Variants in OTOGL observed in about 807,000 individuals in gnomAD.
OTOGL encodes otogelin-like protein.
In OTOGL, 285 loss-of-function variants were observed where a neutral mutation model predicts 318.5. The ratio of observed to expected loss-of-function variants is 0.89; its 90% CI spans 0.81 to 0.99. The LOEUF is 0.99. Ranked by LOEUF, OTOGL falls within the 50% of genes least tolerant of loss-of-function variation. The pLI is 0.00. For synonymous variants in OTOGL, 987 were observed against 936.5 expected, an observed-to-expected ratio of 1.05 and a Z score of -0.99; for missense variants, 2,899 against 2,845.6, an observed-to-expected ratio of 1.02 and a Z score of -0.43.
chr12:80,314,493 A>C (rs1249052805), intron 32 of OTOGL, among the ~76,000 whole-genome samples, 162 bp downstream of exon 32: 1 of 152,094 alleles, frequency 6.6e-6, no homozygotes, highest in Non-Finnish European at 1.5e-5. Flanking sequence ...AAAATTTCTC[A>C]GTATTTGTGT....
intron 1 of OTOGL, among the ~76,000 whole-genome samples, chr12:80,183,108 G>A (rs1875043010): frequency 6.6e-6 from 1 of 152,010 alleles, no homozygotes; most frequent in Non-Finnish European, 1.5e-5. Flanking sequence ...AATACAATTG[G>A]TGCCTTCATC....
chr12:80,359,254 T>C (rs1489949698), intron 52 of OTOGL, among the ~76,000 whole-genome samples: 2 of 152,152 alleles, frequency 1.3e-5, no homozygotes, highest in African/African-American at 4.8e-5. Context: ...GCCTCTGTTG[T>C]AGAGGAGAAG....
In OTOGL at chr12:80,270,021, G is replaced by A. The variant is rs1383972461; in HGVS notation, c.2466-81G>A. On this transcript the variant is annotated intron_variant, in intron 22 of 58. Transcript: ENST00000547103. ...TAATGTACTCAATCAATTCTTGTAC[G>A]TTAGATTGTTGTCGAAATTCAGGGA... The A allele has an allele frequency of 3.7e-5, 41 of 1,120,888 alleles. 1 individual carries two copies. Among genetic ancestry groups the A allele is most frequent in the Admixed American group, 9.5e-5 (4 of 42,126 alleles). The allele number at this position is 1,120,888 out of a possible 1,614,324, so 69.4% of individuals were successfully genotyped here. A position where few individuals can be genotyped will look rare whatever the true frequency, so the allele number is the denominator to read the frequency against.
At chr12:80,143,649 A>C (rs962498988) in intron 1 of OTOGL, among the ~76,000 whole-genome samples, 2 of 152,060 alleles carry the variant, frequency 1.3e-5, no homozygotes, top group Non-Finnish European at 2.9e-5. Flanking sequence ...CTCAAGTCAG[A>C]GGTTCATTTC....
chr12:80,199,176 G>C (rs534974336), intron 1 of OTOGL, among the ~76,000 whole-genome samples: 62 of 152,250 alleles, frequency 4.1e-4, no homozygotes, highest in Middle Eastern at 3.4e-3. Flanking sequence ...TCCCAGCCTT[G>C]TGCAATTCTC....
chr12:80,225,164 G>T (rs1173317869), intron 7 of OTOGL, among the ~76,000 whole-genome samples: 5 of 152,046 alleles, frequency 3.3e-5, no homozygotes, highest in African/African-American at 1.2e-4. Context: ...GGTCTCTTTA[G>T]ATAGGGCAGT....
chr12:80,273,996 A>T (rs1166147557), intron 24 of OTOGL, among the ~76,000 whole-genome samples: 1 of 152,034 alleles, frequency 6.6e-6, no homozygotes, highest in Admixed American at 6.6e-5. Flanking sequence ...CGATTTCTCC[A>T]TGTATAGGCC....
At chr12:80,173,769 C>A (rs920951459) in intron 1 of OTOGL, among the ~76,000 whole-genome samples, 1 of 152,118 alleles carries the variant, frequency 6.6e-6, no homozygotes, top group Non-Finnish European at 1.5e-5. Context: ...TACCCTTAAT[C>A]CTAAGGGTTG....
chr12:80,234,548 TA>T (rs1879669801), intron 9 of OTOGL, among the ~76,000 whole-genome samples: 1 of 152,180 alleles, frequency 6.6e-6, no homozygotes. Context: ...AATAAGAGCA[TA>T]TACTTCATAA....
At position 80,313,560 on chromosome 12, in the gene OTOGL, A is replaced by T; in HGVS notation, c.3535A>T (p.Ser1179Cys). ...LGGDCECLCTSIAAYAYKCCQ... is the reference protein window; with the variant it reads ...LGGDCECLCTCIAAYAYKCCQ... ...TGGCGACTGTGAGTGTTTGTGCACT[A>T]GTATAGCTGCATATGCATACAAGTG... The change falls in exon 31 of 59, where the codon AGT (serine) becomes TGT (cysteine). Residue 1179 changes from serine to cysteine, a missense_variant. By Grantham distance (112) the Ser-to-Cys change is moderately radical (BLOSUM62 -1). Transcript: ENST00000547103. 6.2e-7 allele frequency: 1 copy of T among 1,612,048 alleles called. No homozygotes were observed. Among genetic ancestry groups the T allele is most frequent in the Non-Finnish European group, 8.5e-7 (1 of 1,178,244 alleles).
At chr12:80,217,844 TA>T (rs1877892913) in intron 5 of OTOGL, among the ~76,000 whole-genome samples, 180 bp downstream of exon 5, 1 of 152,234 alleles carries the variant, frequency 6.6e-6, no homozygotes, top group Non-Finnish European at 1.5e-5. Flanking sequence ...TTTCTGAGAA[TA>T]ACCAGGGCCA....
intron 1 of OTOGL, among the ~76,000 whole-genome samples, chr12:80,105,058 T>C (rs1421905321): frequency 6.6e-6 from 1 of 151,960 alleles, no homozygotes; most frequent in East Asian, 1.9e-4. Context: ...ATTGCACCAT[T>C]GCACTCTGCA....
At chr12:80,161,228 G>C (rs1338328152) in intron 1 of OTOGL, among the ~76,000 whole-genome samples, 1 of 150,316 alleles carries the variant, frequency 6.7e-6, no homozygotes, top group African/African-American at 2.4e-5. Flanking sequence ...CAAAACCTGT[G>C]GAAATAAAAA....
At chr12:80,178,908 T>C (rs1874723259) in intron 1 of OTOGL, among the ~76,000 whole-genome samples, 1 of 152,234 alleles carries the variant, frequency 6.6e-6, no homozygotes, top group Non-Finnish European at 1.5e-5. Flanking sequence ...ATTTTAATTA[T>C]TGCTTTTGAG....
chr12:80,187,962 A>G (rs1045655279), intron 1 of OTOGL, among the ~76,000 whole-genome samples: 2 of 152,220 alleles, frequency 1.3e-5, no homozygotes, highest in African/African-American at 4.8e-5. Flanking sequence ...AACAGCCACA[A>G]TGAATTGGAT....
At chr12:80,270,277 T>G (rs1189393920) in intron 23 of OTOGL, 123 bp downstream of exon 23, 2 of 752,328 alleles carry the variant, frequency 2.7e-6, no homozygotes, top group Non-Finnish European at 4.4e-6. Context: ...GGGAATGTTC[T>G]TCAACATGGT....
intron 8 of OTOGL, among the ~76,000 whole-genome samples, chr12:80,229,650 T>C (rs1000639435): frequency 4.0e-5 from 6 of 150,110 alleles, no homozygotes; most frequent in East Asian, 2.0e-4. Context: ...CTCTCTCTCT[T>C]TTTTTTTTTC....
chr12:80,106,199 A>G (rs778031046), intron 1 of OTOGL, among the ~76,000 whole-genome samples: 10 of 152,214 alleles, frequency 6.6e-5, no homozygotes, highest in Non-Finnish European at 1.3e-4. Context: ...GCATGAAATG[A>G]TGAAGGAAGA....
Position 80,238,992 on chromosome 12 carries a change from G to A in OTOGL, c.945+14G>A, listed in dbSNP as rs1200730676. 7.5e-6 allele frequency: 12 copies of A among 1,592,474 alleles called. No individual in the cohort carries two copies. The African/African-American group carries it at 1.5e-4, about 20-fold the overall frequency. ...CCAGCATTTGAGGTAAATTTGATGT[G>A]AGAAATGTGGGCATGTCAGACAGAA... On this transcript the variant is annotated intron_variant, in intron 10 of 58. Coordinates refer to ENST00000547103, the MANE Select transcript of OTOGL (RefSeq NM_001378609.3).
Sources: gnomAD v4.1 joint callset for allele counts (sites outside exome capture counted in the v4.1 genomes callset) on GRCh38, gnomAD v4.1.1 for gene constraint, MANE v1.5 for transcripts, NCBI Gene and HGNC (gene_info 2026-07-23, HGNC 2026-07-21) for gene names.